Variants in OOEP observed in about 807,000 individuals in gnomAD.
OOEP encodes the protein oocyte-expressed protein homolog.
Under a neutral mutation model 13.7 loss-of-function variants are expected in OOEP, and 16 were observed. That is an observed-to-expected ratio of 1.16 (90% CI 0.79 to 1.77). The LOEUF (loss-of-function observed/expected upper bound fraction) is 1.77, where lower values mean the gene tolerates loss of function less well. Among genes scored for constraint, OOEP ranks in the 40% most tolerant of loss-of-function variants. OOEP has a pLI of 0.00. For synonymous variants in OOEP, 89 were observed against 77.1 expected (o/e 1.15, Z -0.81); for missense variants, 195 against 193.1 (o/e 1.01, Z -0.06).
chr6:73,370,729 A>G (rs910874206), upstream of OOEP, among the ~76,000 whole-genome samples: 2 of 152,200 alleles, frequency 1.3e-5, no homozygotes, highest in Admixed American at 6.5e-5. Context: ...TTGTTTCAGA[A>G]TAGTATCTGC....
At chr6:73,392,092 A>G (rs1309572143) in intron 2 of OOEP, among the ~76,000 whole-genome samples, 1 of 152,206 alleles carries the variant, frequency 6.6e-6, no homozygotes, top group East Asian at 1.9e-4. Flanking sequence ...AAGAGATTCT[A>G]TGAGGCCAGC....
chr6:73,382,997 C>G (rs554209027), intron 2 of OOEP, among the ~76,000 whole-genome samples: 2 of 151,750 alleles, frequency 1.3e-5, no homozygotes, highest in South Asian at 4.2e-4. Context: ...CCACCATGCA[C>G]GTCTAATTTT....
chr6:73,372,365 A>G (rs1666636457), upstream of OOEP, among the ~76,000 whole-genome samples: 1 of 152,168 alleles, frequency 6.6e-6, no homozygotes, highest in African/African-American at 2.4e-5. Context: ...ACCGTGAAGC[A>G]GTTAGTCTCA....
intron 2 of OOEP, among the ~76,000 whole-genome samples, chr6:73,390,509 G>A (rs1269632902): frequency 6.6e-6 from 1 of 150,722 alleles, no homozygotes; most frequent in Non-Finnish European, 1.5e-5. Context: ...TAGGTAAATA[G>A]TTATTCTACT....
At chr6:73,385,298 A>T (rs1163061444) in intron 2 of OOEP, among the ~76,000 whole-genome samples, 1 of 151,738 alleles carries the variant, frequency 6.6e-6, no homozygotes. Context: ...GTGAGCCAAG[A>T]TTGCGCCACT....
intron 2 of OOEP, chr6:73,387,705 C>T (rs187945339): frequency 2.6e-5 from 4 of 151,990 alleles, no homozygotes; most frequent in African/African-American, 9.7e-5. Flanking sequence ...GATTCTCCTG[C>T]CTCAGCCTCC....
chr6:73,393,102 T>C (rs993232338), intron 2 of OOEP, among the ~76,000 whole-genome samples: 5 of 149,852 alleles, frequency 3.3e-5, no homozygotes, highest in Non-Finnish European at 5.9e-5. Flanking sequence ...ATGATTGAAC[T>C]GAAAAAAAAA....
chr6:73,395,083 G>T, exon 1 of OOEP: 2 of 1,614,184 alleles, frequency 1.2e-6, no homozygotes, highest in Non-Finnish European at 1.7e-6. Context: ...GCCCCCGGAG[G>T]CCGTGGCCGC....
chr6:73,392,730 C>A (rs1769365000), intron 2 of OOEP, among the ~76,000 whole-genome samples: 1 of 131,268 alleles, frequency 7.6e-6, no homozygotes, highest in Non-Finnish European at 1.6e-5. Flanking sequence ...CTCCCGGGTT[C>A]AAGCAATTAT....
chr6:73,389,318 A>G (rs1298602863), intron 2 of OOEP, among the ~76,000 whole-genome samples: 8 of 152,170 alleles, frequency 5.3e-5, no homozygotes, highest in Admixed American at 5.2e-4. Context: ...CAACTCCCTC[A>G]GGTCACACCC....
upstream of OOEP, among the ~76,000 whole-genome samples, chr6:73,371,744 C>CT (rs1491038286): frequency 6.9e-6 from 1 of 145,918 alleles, no homozygotes; most frequent in East Asian, 2.0e-4. Context: ...GAGCAAAACT[C>CT]TGTCTCAAAA....
intron 1 of OOEP, 31 bp from the exon 2 acceptor site, chr6:73,369,416 T>G (rs1458870978): frequency 6.3e-7 from 1 of 1,592,484 alleles, no homozygotes; most frequent in Admixed American, 1.8e-5. Flanking sequence ...TCTGAGGGGC[T>G]GCACGGTGGC....
At chr6:73,392,222 CCTTT>C (rs1253527595) in intron 2 of OOEP, among the ~76,000 whole-genome samples, 1 of 152,150 alleles carries the variant, frequency 6.6e-6, no homozygotes, top group Admixed American at 6.5e-5. Flanking sequence ...CAACAAAATT[CCTTT>C]CTAAAGATTG....
In OOEP at chr6:73,369,763, G is replaced by A. The variant is rs1450267940; in HGVS notation, c.30C>T (p.Ser10=). The change falls in exon 1 of 3, where the codon TCC becomes TCT. Residue 10 remains serine (S), a synonymous_variant. Coordinates refer to ENST00000370359, the MANE Select transcript of OOEP (RefSeq NM_001080507.3). The part of the protein sequence containing the change: MVDDAGAAE[S]QRGKQTPAHS... ...GGGCCGGAGTCTGTTTGCCCCGCTG[G>A]GACTCAGCGGCACCAGCATCATCGA... 1 of 1,613,814 alleles carries A rather than the reference G, an allele frequency of 6.2e-7. No homozygotes were observed.
At chr6:73,384,933 TATC>T in intron 2 of OOEP, among the ~76,000 whole-genome samples, 1 of 151,692 alleles carries the variant, frequency 6.6e-6, no homozygotes, top group East Asian at 2.0e-4. Context: ...GACGGGGTTT[TATC>T]ATGTTGCCCA....
Position 73,369,291 on chromosome 6 carries a change from G to A in OOEP, c.285C>T (p.Thr95=). ...IVDSGNLVEI[T]VFGRPRVQNR... ...TCTGTACACGGGGCCGCCCGAAAAC[G>A]GTGATTTCGACTAGGTTCCCTGAGT... The change falls in exon 2 of 3, where the codon ACC becomes ACT. Residue 95 remains threonine, a synonymous_variant. Transcript: ENST00000370359. 1 of 1,613,866 alleles carries A rather than the reference G, an allele frequency of 6.2e-7. No homozygotes were observed. Among genetic ancestry groups the A allele is most frequent in the Non-Finnish European group, 8.5e-7 (1 of 1,179,828 alleles).
intron 2 of OOEP, 63 bp downstream of exon 2, chr6:73,369,143 C>A: frequency 6.7e-7 from 1 of 1,499,388 alleles, no homozygotes; most frequent in Non-Finnish European, 9.1e-7. Context: ...TGGAAGGAAA[C>A]CGAGCAAGGC....
chr6:73,389,626 T>C (rs1349820764), intron 2 of OOEP, among the ~76,000 whole-genome samples: 2 of 144,886 alleles, frequency 1.4e-5, no homozygotes, highest in Admixed American at 7.3e-5. Flanking sequence ...ACAGAACTCA[T>C]AGGTGGGAAT....
chr6:73,379,230 T>C (rs1408214985), intron 2 of OOEP, among the ~76,000 whole-genome samples: 1 of 151,428 alleles, frequency 6.6e-6, no homozygotes, highest in Non-Finnish European at 1.5e-5. Flanking sequence ...CACCATGTTG[T>C]CCAGGCTGGT....
Sources: gnomAD v4.1 joint callset for allele counts (sites outside exome capture counted in the v4.1 genomes callset) on GRCh38, gnomAD v4.1.1 for gene constraint, MANE v1.5 for transcripts, NCBI Gene and HGNC (gene_info 2026-07-23, HGNC 2026-07-21) for gene names.